Variants in G2E3 observed in about 807,000 individuals in gnomAD.
The protein encoded by G2E3 is G2/M phase-specific E3 ubiquitin-protein ligase.
Under a neutral mutation model 92.8 loss-of-function variants are expected in G2E3, and 35 were observed. That is an observed-to-expected ratio of 0.38 (90% CI 0.29 to 0.50). The LOEUF is 0.50. G2E3 is among the 20% of genes least tolerant of loss of function. The pLI, the probability that G2E3 is intolerant of heterozygous loss-of-function variation, is 0.94. For synonymous variants in G2E3, 242 were observed against 272.4 expected, an observed-to-expected ratio of 0.89 and a Z score of 1.10; for missense variants, 554 against 823.8, an observed-to-expected ratio of 0.67 and a Z score of 4.01.
intron 11 of G2E3, among the ~76,000 whole-genome samples, chr14:30,606,313 C>G (rs547922519): frequency 6.6e-6 from 1 of 151,878 alleles, no homozygotes; most frequent in South Asian, 2.1e-4. Context: ...GTAATTATAA[C>G]AGGCATCTCA....
chr14:30,614,272 A>G (rs1230598762), intron 13 of G2E3, among the ~76,000 whole-genome samples: 1 of 152,200 alleles, frequency 6.6e-6, no homozygotes, highest in Non-Finnish European at 1.5e-5. Context: ...TTATGCTGCT[A>G]TAACAATACC....
chr14:30,599,890 T>C (rs899104912), intron 8 of G2E3, among the ~76,000 whole-genome samples: 3 of 152,212 alleles, frequency 2.0e-5, no homozygotes, highest in Non-Finnish European at 2.9e-5. Context: ...TCTAGCACTG[T>C]TCCTTTTGGA....
intron 5 of G2E3, among the ~76,000 whole-genome samples, chr14:30,592,908 T>C (rs968487973): frequency 6.6e-6 from 1 of 152,162 alleles, no homozygotes; most frequent in African/African-American, 2.4e-5. Context: ...TGAGTACAAC[T>C]TTAAACATCA....
At chr14:30,607,829 AT>A (rs1881902481) in intron 11 of G2E3, 58 bp from the exon 12 acceptor site, 1 of 870,174 alleles carries the variant, frequency 1.1e-6, no homozygotes, top group African/African-American at 1.8e-5. Flanking sequence ...AATATAAAAA[AT>A]GATGGTTATC....
chr14:30,601,789 T>C lies in G2E3; in HGVS notation c.772T>C (p.Cys258Arg). 1 of 1,614,050 alleles carries C rather than the reference T, an allele frequency of 6.2e-7. No individual in the cohort carries two copies. The highest frequency in any genetic ancestry group is 8.5e-7 in the Non-Finnish European group (1 of 1,179,918). Residue 258 changes from cysteine (C) to arginine (R), a missense_variant, in exon 9 of 15, where the codon TGT (cysteine) becomes CGT (arginine). By Grantham distance (180) the Cys-to-Arg change is radical. This residue lies in a region of G2E3 where 397 missense variants were observed against 560.3 expected (regional missense o/e 0.71). Coordinates refer to ENST00000206595, the MANE Select transcript of G2E3 (RefSeq NM_017769.5). The part of the protein sequence containing the change: ...APDSKWEIKR[C>R]QCCGSSGTHL... ...CCTCAGCAAATGGGAAATAAAGCGC[T>C]GTCAGTGTTGTGGTTCCAGTGGCAC... is the stretch of plus-strand genomic sequence containing the variant.
chr14:30,597,549 A>G (rs1881348141), intron 7 of G2E3, 23 bp downstream of exon 7: 1 of 1,144,144 alleles, frequency 8.7e-7, no homozygotes, highest in African/African-American at 1.5e-5. Flanking sequence ...TAGCCTTATG[A>G]TAAAAAAAAG....
intron 6 of G2E3, among the ~76,000 whole-genome samples, chr14:30,594,327 A>T (rs1322959762): frequency 4.6e-5 from 7 of 152,188 alleles, no homozygotes; most frequent in African/African-American, 1.7e-4. Flanking sequence ...ACTGTTTTTT[A>T]AAGTTTATTA....
At position 30,580,904 on chromosome 14, in the gene G2E3, C is replaced by CT. The variant is rs1204690898; in HGVS notation, c.-4-170dup. On this transcript the variant is annotated intron_variant, in intron 1 of 14. Coordinates refer to ENST00000206595, the MANE Select transcript of G2E3 (RefSeq NM_017769.5). ...TTCAATTTAAAAAATGTTCCCGACT[C>CT]TTAACACCCCAGTTGAGAACTACTG... The CT allele has an allele frequency of 5.3e-6, 3 of 562,724 alleles. No individual in the cohort carries two copies. In the Admixed American group the frequency reaches 1.1e-4, roughly 20 times the overall value. The allele number at this position is 562,724 out of a possible 1,614,324, so 34.9% of individuals were successfully genotyped here.
intron 6 of G2E3, 85 bp downstream of exon 6, chr14:30,593,724 G>A (rs941424371): frequency 4.3e-5 from 40 of 934,698 alleles, no homozygotes; most frequent in East Asian, 2.5e-4. Flanking sequence ...AAGAATTGAC[G>A]TGTATATTAC....
chr14:30,588,566 C>T (rs1208850714), intron 3 of G2E3, among the ~76,000 whole-genome samples: 1 of 151,884 alleles, frequency 6.6e-6, no homozygotes, highest in Non-Finnish European at 1.5e-5. Context: ...CAGACTTAAC[C>T]CTTTTAATAT....
intron 13 of G2E3, among the ~76,000 whole-genome samples, chr14:30,614,135 CCTTA>C (rs1161166080): frequency 2.0e-5 from 3 of 152,044 alleles, no homozygotes; most frequent in African/African-American, 7.2e-5. Context: ...TAGGTTTCAT[CCTTA>C]CTATGTCCAC....
rs1882260574 is a variant in G2E3 at position 30,615,279 on chromosome 14, G to A, written c.1674-70G>A. 6 of 768,124 alleles carry A rather than the reference G, an allele frequency of 7.8e-6. No individual in the cohort carries two copies. In the East Asian group the frequency reaches 1.6e-4, roughly 21 times the overall value. The allele number at this position is 768,124 out of a possible 1,614,324, so 47.6% of individuals were successfully genotyped here. On this transcript the variant is annotated intron_variant, in intron 13 of 14. Coordinates refer to ENST00000206595, the MANE Select transcript of G2E3 (RefSeq NM_017769.5). Reference sequence around the variant, plus strand: ...TTGAAAACATGCCAGATAAAATGCTGGAAATATTCCCTAATATAATACCAA... The same window carrying A: ...TTGAAAACATGCCAGATAAAATGCTAGAAATATTCCCTAATATAATACCAA...
intron 3 of G2E3, among the ~76,000 whole-genome samples, chr14:30,587,241 G>C (rs1880761250): frequency 6.6e-6 from 1 of 152,062 alleles, no homozygotes. Flanking sequence ...CTTGGCTAAA[G>C]GTGATAAATA....
At chr14:30,576,527 A>C (rs896022194) in intron 1 of G2E3, among the ~76,000 whole-genome samples, 1 of 152,240 alleles carries the variant, frequency 6.6e-6, no homozygotes, top group Non-Finnish European at 1.5e-5. Context: ...AGTGGGATCT[A>C]GTTAAACTTA....
At chr14:30,590,943 G>A in intron 4 of G2E3, 1 of 285,446 alleles carries the variant, frequency 3.5e-6, no homozygotes, top group East Asian at 9.0e-5. Flanking sequence ...TTGCTTACCA[G>A]TTGAGCACCT....
intron 1 of G2E3, among the ~76,000 whole-genome samples, chr14:30,571,166 A>G (rs528221077): frequency 7.3e-4 from 102 of 139,828 alleles, no homozygotes; most frequent in Non-Finnish European, 1.3e-3. Context: ...TGGGTGCTGT[A>G]GTGGGTTTGC....
At chr14:30,595,069 T>C (rs920892004) in intron 6 of G2E3, among the ~76,000 whole-genome samples, 2 of 151,312 alleles carry the variant, frequency 1.3e-5, no homozygotes, top group African/African-American at 4.9e-5. Context: ...ACCCGGGAGG[T>C]AGAGGTTGCG....
At chr14:30,595,881 A>T (rs374286768) in intron 6 of G2E3, among the ~76,000 whole-genome samples, 3 of 151,968 alleles carry the variant, frequency 2.0e-5, no homozygotes, top group African/African-American at 7.3e-5. Context: ...AAAACTTTCC[A>T]CTCTGTGTCT....
chr14:30,584,533 A>G (rs1330458675), intron 2 of G2E3, among the ~76,000 whole-genome samples: 1 of 152,166 alleles, frequency 6.6e-6, no homozygotes, highest in Non-Finnish European at 1.5e-5. Flanking sequence ...TCCTTTGTCA[A>G]TACTTGTTAT....
Sources: allele counts gnomAD v4.1 joint callset (sites outside exome capture counted in the v4.1 genomes callset), GRCh38; gene constraint gnomAD v4.1.1; regional missense constraint gnomAD v4.1.1; transcripts MANE v1.5; gene names NCBI Gene and HGNC (gene_info 2026-07-23, HGNC 2026-07-21).